FLRT1: variants seen among roughly 807,000 people sequenced by gnomAD.
FLRT1 encodes the protein leucine-rich repeat transmembrane protein FLRT1.
Under a neutral mutation model 30.9 loss-of-function variants are expected in FLRT1, and 14 were observed. The observed-to-expected ratio is 0.45, with a 90% CI of 0.30 to 0.71. The LOEUF (loss-of-function observed/expected upper bound fraction) is 0.71. Ranked by LOEUF, FLRT1 falls within the 30% of genes least tolerant of loss-of-function variation. The pLI is 0.08. For synonymous variants in FLRT1, 368 were observed against 430.4 expected (o/e 0.85, Z 1.80); for missense variants, 737 against 949.2 (o/e 0.78, Z 2.94).
chr11:64,056,990 C>A (rs1943797751), intron 1 of FLRT1, among the ~76,000 whole-genome samples: 1 of 152,210 alleles, frequency 6.6e-6, no homozygotes, highest in Non-Finnish European at 1.5e-5. Context: ...TTGGCCCTTC[C>A]TTTCAGCTTC....
intron 1 of FLRT1, among the ~76,000 whole-genome samples, chr11:64,058,130 C>T (rs536009503): frequency 6.6e-6 from 1 of 152,390 alleles, no homozygotes; most frequent in East Asian, 1.9e-4. Context: ...CTTACTGCAG[C>T]CCCCAGCGAC....
At chr11:64,095,887 G>A (rs1944567245) in intron 1 of FLRT1, among the ~76,000 whole-genome samples, 1 of 152,182 alleles carries the variant, frequency 6.6e-6, no homozygotes, top group African/African-American at 2.4e-5. Flanking sequence ...AGGGGCAGCC[G>A]AGGGAGGGAG....
intron 1 of FLRT1, among the ~76,000 whole-genome samples, chr11:64,086,137 C>T (rs375972614): frequency 5.3e-5 from 8 of 152,146 alleles, no homozygotes; most frequent in Non-Finnish European, 8.8e-5. Flanking sequence ...TGGGTGGCTG[C>T]GCACACACAG....
chr11:64,097,034 A>C (rs979506006), intron 1 of FLRT1, among the ~76,000 whole-genome samples: 2 of 151,758 alleles, frequency 1.3e-5, no homozygotes, highest in Admixed American at 1.3e-4. Context: ...GCGGATGAGA[A>C]CTCTTCAGGC....
chr11:64,101,579 G>A (rs750159640), intron 1 of FLRT1, among the ~76,000 whole-genome samples: 6 of 152,116 alleles, frequency 3.9e-5, no homozygotes, highest in Non-Finnish European at 8.8e-5. Context: ...CCAGGGAGGC[G>A]GATGACCTCA....
At chr11:64,102,626 C>T (rs1944690055) in intron 1 of FLRT1, among the ~76,000 whole-genome samples, 1 of 152,228 alleles carries the variant, frequency 6.6e-6, no homozygotes, top group Non-Finnish European at 1.5e-5. Flanking sequence ...TTTCTCTTCC[C>T]AGTCCTTCCA....
chr11:64,072,436 A>T (rs1944127340), intron 1 of FLRT1, among the ~76,000 whole-genome samples: 1 of 147,872 alleles, frequency 6.8e-6, no homozygotes, highest in African/African-American at 2.5e-5. Flanking sequence ...AAAAAAAAAA[A>T]TAATAATTAC....
intron 1 of FLRT1, among the ~76,000 whole-genome samples, chr11:64,085,982 G>A (rs1005316959): frequency 6.6e-6 from 1 of 151,628 alleles, no homozygotes. Flanking sequence ...ATGGTTAGTG[G>A]GCTTGCAGCC....
At chr11:64,083,423 TG>T (rs1944337293) in intron 1 of FLRT1, among the ~76,000 whole-genome samples, 1 of 152,166 alleles carries the variant, frequency 6.6e-6, no homozygotes, top group Non-Finnish European at 1.5e-5. Context: ...CAACACTGCC[TG>T]GGCAACACAG....
At chr11:64,083,980 A>G (rs915575033) in intron 1 of FLRT1, among the ~76,000 whole-genome samples, 8 of 145,910 alleles carry the variant, frequency 5.5e-5, no homozygotes, top group Non-Finnish European at 1.5e-5. Context: ...AGTGTCATTT[A>G]CACAACTGGA....
chr11:64,041,624 T>G (rs1037347959), intron 1 of FLRT1, among the ~76,000 whole-genome samples: 1 of 151,994 alleles, frequency 6.6e-6, no homozygotes, highest in Non-Finnish European at 1.5e-5. Flanking sequence ...CAGGACCGAA[T>G]GACCGCCTCG....
chr11:64,072,519 C>T (rs1199331588), intron 1 of FLRT1, among the ~76,000 whole-genome samples: 1 of 152,188 alleles, frequency 6.6e-6, no homozygotes, highest in Non-Finnish European at 1.5e-5. Flanking sequence ...ACCAGGCACC[C>T]GTGAACCCGC....
chr11:64,112,528 GCAAAA>G (rs1437485328), intron 2 of FLRT1, among the ~76,000 whole-genome samples: 1 of 152,094 alleles, frequency 6.6e-6, no homozygotes, highest in African/African-American at 2.4e-5. Flanking sequence ...GCAAAACAAG[GCAAAA>G]CAAAACAAAA....
intron 2 of FLRT1, among the ~76,000 whole-genome samples, chr11:64,110,185 C>T (rs962228032): frequency 6.6e-6 from 1 of 152,136 alleles, no homozygotes; most frequent in Non-Finnish European, 1.5e-5. Flanking sequence ...CGTGGTGGCT[C>T]ACGCGTATAA....
chr11:64,094,104 C>T (rs1944535882), intron 1 of FLRT1, among the ~76,000 whole-genome samples: 1 of 152,142 alleles, frequency 6.6e-6, no homozygotes, highest in African/African-American at 2.4e-5. Context: ...TGAGACCAGC[C>T]TGGACAACAT....
At chr11:64,110,365 C>T (rs372553599) in intron 2 of FLRT1, among the ~76,000 whole-genome samples, 1 of 151,710 alleles carries the variant, frequency 6.6e-6, no homozygotes, top group Non-Finnish European at 1.5e-5. Context: ...GGGAGGATCA[C>T]CTGAGCATGG....
intron 1 of FLRT1, among the ~76,000 whole-genome samples, chr11:64,091,671 G>C (rs867447646): frequency 6.6e-6 from 1 of 152,154 alleles, no homozygotes; most frequent in Non-Finnish European, 1.5e-5. Context: ...GAAGACACTC[G>C]GCCCAAGGGG....
intron 1 of FLRT1, among the ~76,000 whole-genome samples, chr11:64,086,245 T>A (rs1944392860): frequency 6.6e-6 from 1 of 151,256 alleles, no homozygotes; most frequent in African/African-American, 2.4e-5. Flanking sequence ...AGGTCTTGCA[T>A]TCGGGGCCAG....
At chr11:64,105,442 G>T (rs760865700) in intron 2 of FLRT1, among the ~76,000 whole-genome samples, 2 of 152,202 alleles carry the variant, frequency 1.3e-5, no homozygotes, top group Non-Finnish European at 2.9e-5. Flanking sequence ...CTCTGGTTGT[G>T]AGCATGTGAC....
Sources: gnomAD v4.1 joint callset for allele counts (sites outside exome capture counted in the v4.1 genomes callset) on GRCh38, gnomAD v4.1.1 for gene constraint, MANE v1.5 for transcripts, NCBI Gene and HGNC (gene_info 2026-07-23, HGNC 2026-07-21) for gene names.